The following CYB5A variants were observed in gnomAD, a reference collection of about 807,000 sequenced individuals.
The protein encoded by CYB5A is cytochrome b5.
In CYB5A, 10 loss-of-function variants were observed where a neutral mutation model predicts 16.2. The observed-to-expected ratio is 0.62, with a 90% CI of 0.38 to 1.04. CYB5A has a LOEUF of 1.04. Ranked by LOEUF, CYB5A falls within the 50% of genes least tolerant of loss-of-function variation. The pLI, the probability that CYB5A is intolerant of heterozygous loss-of-function variation, is 0.01. For missense variants in CYB5A, 161 were observed against 165.9 expected, an observed-to-expected ratio of 0.97 and a Z score of 0.16; for synonymous variants, 62 against 57.0, an observed-to-expected ratio of 1.09 and a Z score of -0.40.
At chr18:74,257,036 C>T (rs556634420) in intron 3 of CYB5A, 3 of 586,154 alleles carry the variant, frequency 5.1e-6, no homozygotes, top group East Asian at 2.8e-5. Context: ...TCAAAATATA[C>T]AAAAATATTA....
In CYB5A at chr18:74,280,140, C is replaced by T. The variant is rs181480689; in HGVS notation, c.129+11607G>A. 2.0e-5 allele frequency among the ~76,000 whole-genome samples: 3 copies of T among 152,204 alleles called. No individual in the cohort carries two copies. In the East Asian group the frequency reaches 5.8e-4, roughly 29 times the overall value. On this transcript the variant is annotated intron_variant, in intron 1 of 4. Transcript: ENST00000340533. ...GTGTTGAGGTGATAGTGAGTGAGTA[C>T]TCAAAGGAGGTGAGGCAGGGAACCA...
intron 1 of CYB5A, among the ~76,000 whole-genome samples, chr18:74,274,106 G>T (rs114319945): frequency 0.01 from 1,555 of 152,176 alleles, 23 homozygotes; most frequent in African/African-American, 0.035. Flanking sequence ...TCCCATACAA[G>T]AAAAAATGAA....
chr18:74,253,705 C>T, intron 4 of CYB5A, 40 bp from the exon 5 acceptor site: 1 of 1,378,672 alleles, frequency 7.3e-7, no homozygotes, highest in Non-Finnish European at 1.0e-6. Flanking sequence ...ACATGATGTG[C>T]ACTGTGGTGG....
intron 2 of CYB5A, among the ~76,000 whole-genome samples, 147 bp downstream of exon 2, chr18:74,263,193 GTCAATTTAT>G (rs1187908484): frequency 2.0e-5 from 3 of 150,520 alleles, no homozygotes; most frequent in Non-Finnish European, 3.0e-5. Flanking sequence ...GACATTTTTG[GTCAATTTAT>G]TTATAACAAA....
chr18:74,260,967 A>T (rs746482054), intron 2 of CYB5A, 23 bp from the exon 3 acceptor site: 13 of 1,604,112 alleles, frequency 8.1e-6, no homozygotes, highest in Non-Finnish European at 1.1e-5. Flanking sequence ...GATAAGGCAC[A>T]TTATGGAATT....
chr18:74,261,743 CTCT>C (rs1982207755), intron 2 of CYB5A: 1 of 152,366 alleles, frequency 6.6e-6, no homozygotes, highest in Non-Finnish European at 1.5e-5. Flanking sequence ...CTAATGTAAC[CTCT>C]TCTTCATTCA....
chr18:74,255,816 T>G (rs756758403), intron 3 of CYB5A, 41 bp from the exon 4 acceptor site: 3 of 1,457,128 alleles, frequency 2.1e-6, no homozygotes, highest in Non-Finnish European at 2.9e-6. Flanking sequence ...TTCAAGGGAA[T>G]GCTGAACTTA....
chr18:74,280,934 G>C (rs1379790061), intron 1 of CYB5A, among the ~76,000 whole-genome samples: 1 of 152,126 alleles, frequency 6.6e-6, no homozygotes, highest in Non-Finnish European at 1.5e-5. Context: ...CAGAGTATAC[G>C]GACTGACCCC....
intron 1 of CYB5A, among the ~76,000 whole-genome samples, chr18:74,283,156 G>A (rs190373015): frequency 4.6e-5 from 7 of 152,222 alleles, no homozygotes; most frequent in South Asian, 2.1e-4. Flanking sequence ...AACCAACCTC[G>A]TGGCACATGC....
intron 1 of CYB5A, among the ~76,000 whole-genome samples, chr18:74,274,379 T>C (rs1326624241): frequency 1.3e-5 from 2 of 152,248 alleles, no homozygotes; most frequent in African/African-American, 4.8e-5. Flanking sequence ...TTCTATTTTC[T>C]ACTTAAGAGT....
intron 1 of CYB5A, among the ~76,000 whole-genome samples, chr18:74,281,821 G>GGTGT (rs34280956): frequency 0.046 from 6,659 of 144,510 alleles, 249 homozygotes; most frequent in East Asian, 0.19. Context: ...AGGAGAGGAG[G>GGTGT]GTGTGTGTGT....
intron 3 of CYB5A, 109 bp from the exon 4 acceptor site, chr18:74,255,884 C>T (rs1981958373): frequency 1.2e-6 from 1 of 849,642 alleles, no homozygotes; most frequent in East Asian, 2.4e-5. Flanking sequence ...GCAATGCATT[C>T]TTCAGAAGAT....
intron 1 of CYB5A, among the ~76,000 whole-genome samples, chr18:74,281,668 C>T (rs1332387178): frequency 1.3e-5 from 2 of 151,948 alleles, no homozygotes; most frequent in African/African-American, 4.8e-5. Flanking sequence ...CTTAACAACC[C>T]TTTCAGAGGC....
At chr18:74,261,105 C>A in intron 2 of CYB5A, 161 bp from the exon 3 acceptor site, 1 of 639,372 alleles carries the variant, frequency 1.6e-6, no homozygotes, top group Non-Finnish European at 2.8e-6. Context: ...TCTGATTTAA[C>A]AGCAAAAATT....
chr18:74,257,795 A>G (rs111570916), intron 3 of CYB5A: 4 of 152,418 alleles, frequency 2.6e-5, no homozygotes, highest in African/African-American at 9.6e-5. Flanking sequence ...CTGTGTGCCT[A>G]TGGTCCAGCT....
intron 1 of CYB5A, 139 bp from the exon 2 acceptor site, chr18:74,263,616 G>A: frequency 2.6e-6 from 2 of 763,624 alleles, no homozygotes; most frequent in Admixed American, 2.0e-5. Context: ...GTCCATAAAT[G>A]TGGATTAAAA....
At position 74,251,281 on chromosome 18, in the gene CYB5A, C is replaced by T. The variant is rs1981768357; in HGVS notation, c.*2303G>A. 6.6e-6 allele frequency: 1 copy of T among 152,196 alleles called. No homozygotes were observed. Among genetic ancestry groups the T allele is most frequent in the Admixed American group, 6.6e-5 (1 of 15,250 alleles). 9.4% of individuals were successfully genotyped at this position (152,196 alleles called of 1,614,324 possible). On this transcript the variant is annotated 3_prime_UTR_variant, in exon 5 of 5. Coordinates refer to ENST00000340533, the MANE Select transcript of CYB5A (RefSeq NM_148923.4). ...TGTACCCAAGGTGGTCAGGGCACAG[C>T]TTGGTTTTATGCATTTTAGGGAGAC...
chr18:74,261,064 C>T, intron 2 of CYB5A, 120 bp from the exon 3 acceptor site: 1 of 794,454 alleles, frequency 1.3e-6, no homozygotes, highest in Non-Finnish European at 2.2e-6. Flanking sequence ...TCAGATTCAA[C>T]ATTTAGCTAT....
intron 1 of CYB5A, among the ~76,000 whole-genome samples, chr18:74,270,412 C>T (rs1982625618): frequency 6.6e-6 from 1 of 152,126 alleles, no homozygotes; most frequent in Non-Finnish European, 1.5e-5. Flanking sequence ...AGAGCAAGAC[C>T]CCATCATTCA....
Sources: gnomAD v4.1 joint callset for allele counts (sites outside exome capture counted in the v4.1 genomes callset) on GRCh38, gnomAD v4.1.1 for gene constraint, MANE v1.5 for transcripts, NCBI Gene and HGNC (gene_info 2026-07-23, HGNC 2026-07-21) for gene names.